The following RAPGEF2 variants were observed in gnomAD, a reference collection of about 807,000 sequenced individuals.
The protein encoded by RAPGEF2 is PDZ domain containing guanine nucleotide exchange factor (GEF) 1.
Under a neutral mutation model 186.7 loss-of-function variants are expected in RAPGEF2, and 54 were observed. That is an observed-to-expected ratio of 0.29 (90% CI 0.23 to 0.36). The LOEUF is 0.36. RAPGEF2 is among the 10% of genes least tolerant of loss of function. The probability of loss-of-function intolerance (pLI) is 1.00; values close to 1 mark genes in which losing one functional copy is unlikely to be tolerated. For missense variants in RAPGEF2, 1,532 were observed against 2,045.0 expected (o/e 0.75, Z 4.84); for synonymous variants, 712 against 705.9 (o/e 1.01, Z -0.14).
chr4:159,332,602 C>G lies in RAPGEF2; in HGVS notation c.2040C>G (p.Asn680Lys), dbSNP rs540985465. Residue 680 changes from asparagine to lysine, a missense_variant, in exon 17 of 30, where the codon AAC (asparagine) becomes AAG (lysine). By Grantham distance (94) the Asn-to-Lys change is moderately conservative. Around this residue, in one of 4 missense-constraint regions of RAPGEF2, gnomAD observed 810 missense variants for 1,210.5 expected, o/e 0.67. Coordinates refer to ENST00000691494, the MANE Select transcript of RAPGEF2 (RefSeq NM_001394067.2). Reference sequence around the variant, plus strand: ...AGGTGATAGGACTTGAAAAAGTGAACAAAAAAAGTAAAGCCAACACTGTGG... The same window carrying G: ...AGGTGATAGGACTTGAAAAAGTGAAGAAAAAAAGTAAAGCCAACACTGTGG... ...VEQVIGLEKV[N>K]KKSKANTVGG... The G allele has an allele frequency of 6.2e-7, 1 of 1,613,862 alleles. No homozygotes were observed. Among genetic ancestry groups the G allele is most frequent in the Non-Finnish European group, 8.5e-7 (1 of 1,179,934 alleles).
At chr4:159,329,727 C>A in intron 11 of RAPGEF2, 131 bp from the exon 12 acceptor site, 1 of 653,572 alleles carries the variant, frequency 1.5e-6, no homozygotes, top group Non-Finnish European at 2.4e-6. Flanking sequence ...TTCATTACAG[C>A]ATTAATTTAG....
rs1730097002 is a variant in RAPGEF2, at chr4:159,345,101, TC to T, written c.3279-3del. 2 of 1,611,822 alleles carry T rather than the reference TC, an allele frequency of 1.2e-6. No homozygotes were observed. Among genetic ancestry groups the T allele is most frequent in the African/African-American group, 1.3e-5 (1 of 74,992 alleles). On this transcript the variant is annotated splice_region_variant and splice_polypyrimidine_tract_variant and intron_variant, in intron 23 of 29. Transcript: ENST00000691494. ...GAGCTGCATATGTACCTTTTCATCTTCCAGGTCTCTCAGCCAGGGTAGTACA... is the reference window on the plus strand; with the variant it reads ...GAGCTGCATATGTACCTTTTCATCTTCAGGTCTCTCAGCCAGGGTAGTACA...
chr4:159,351,089 G>A (rs1395624977), intron 26 of RAPGEF2: 2 of 1,534,200 alleles, frequency 1.3e-6, no homozygotes, highest in East Asian at 2.4e-5. Context: ...AGATCTTTTG[G>A]CTCCGGGCAG....
At position 159,103,864 on chromosome 4, in the gene RAPGEF2, G is replaced by A. The variant is rs1357592005; in HGVS notation, c.-299G>A. 6.7e-6 allele frequency: 1 copy of A among 148,372 alleles called. No homozygotes were observed. The highest frequency in any genetic ancestry group is 1.5e-5 in the Non-Finnish European group (1 of 68,134). The allele number at this position is 148,372 out of a possible 1,614,324, so 9.2% of individuals were successfully genotyped here. On this transcript the variant is annotated 5_prime_UTR_variant, in exon 1 of 30. Coordinates refer to ENST00000691494, the MANE Select transcript of RAPGEF2 (RefSeq NM_001394067.2). ...GGCCGGAGGAAGCCGGCGGAGCGGC[G>A]AGGAAGAGGAGGAGGAGGAGGAAGG...
intron 9 of RAPGEF2, among the ~76,000 whole-genome samples, chr4:159,317,568 G>A (rs1183161090): frequency 2.0e-5 from 3 of 152,034 alleles, no homozygotes; most frequent in Non-Finnish European, 2.9e-5. Flanking sequence ...TTCTGATATC[G>A]CGTGTTGATC....
At chr4:159,203,433 C>T (rs1296209847) in intron 3 of RAPGEF2, among the ~76,000 whole-genome samples, 9 of 152,096 alleles carry the variant, frequency 5.9e-5, no homozygotes, top group African/African-American at 1.7e-4. Context: ...ATAATTATGA[C>T]GTTCTGGCAC....
At chr4:159,303,282 C>T (rs1762888470) in intron 7 of RAPGEF2, among the ~76,000 whole-genome samples, 1 of 152,040 alleles carries the variant, frequency 6.6e-6, no homozygotes, top group Admixed American at 6.6e-5. Context: ...GGGAATGAGC[C>T]TCAAAAGGTG....
chr4:159,287,650 A>C (rs1760682815), intron 7 of RAPGEF2, among the ~76,000 whole-genome samples: 1 of 152,186 alleles, frequency 6.6e-6, no homozygotes, highest in African/African-American at 2.4e-5. Context: ...ATGCATAATA[A>C]ATTGTTAATA....
chr4:159,267,658 C>T, intron 7 of RAPGEF2: 1 of 718,546 alleles, frequency 1.4e-6, no homozygotes, highest in Non-Finnish European at 1.8e-6. Flanking sequence ...TGTGTGATTG[C>T]AGATGAAACA....
intron 19 of RAPGEF2, 87 bp from the exon 20 acceptor site, chr4:159,341,477 T>G: frequency 7.2e-7 from 1 of 1,379,422 alleles, no homozygotes. Flanking sequence ...CTCTCAAACT[T>G]TCCATAAAAA....
intron 7 of RAPGEF2, among the ~76,000 whole-genome samples, chr4:159,246,112 A>G (rs1272330738): frequency 1.3e-5 from 2 of 152,186 alleles, no homozygotes; most frequent in Non-Finnish European, 2.9e-5. Context: ...TTGGTCGTGT[A>G]AAAGGATATC....
intron 11 of RAPGEF2, 158 bp from the exon 12 acceptor site, chr4:159,329,700 G>A (rs915250187): frequency 2.2e-6 from 1 of 460,122 alleles, no homozygotes; most frequent in Non-Finnish European, 3.7e-6. Context: ...ATTAAAAGTA[G>A]AGAAGTCTGA....
At chr4:159,267,176 G>T in intron 7 of RAPGEF2, 1 of 1,286,506 alleles carries the variant, frequency 7.8e-7, no homozygotes, top group Non-Finnish European at 1.0e-6. Context: ...ACAGTGTCTT[G>T]CTTTCTGCAG....
At position 159,263,968 on chromosome 4, in the gene RAPGEF2, C is replaced by A. The variant is rs1028749508; in HGVS notation, c.543+20177C>A. Among the ~76,000 whole-genome samples the A allele has an allele frequency of 2.6e-5, 4 of 152,120 alleles. No homozygotes were observed. In the East Asian group the frequency reaches 7.7e-4, roughly 29 times the overall value. ...GATGTTATTGACAGGGTAGAAAGTT[C>A]TTACATGGTTCTTTTTCTTAACAAG... On this transcript the variant is annotated intron_variant, in intron 7 of 29. Coordinates refer to ENST00000691494, the MANE Select transcript of RAPGEF2 (RefSeq NM_001394067.2).
chr4:159,355,032 T>C (rs956909064), intron 28 of RAPGEF2, among the ~76,000 whole-genome samples: 2 of 152,236 alleles, frequency 1.3e-5, no homozygotes, highest in African/African-American at 2.4e-5. Context: ...AATATCCTTT[T>C]ACAATGAATA....
intron 1 of RAPGEF2, among the ~76,000 whole-genome samples, chr4:159,109,256 T>G (rs1165984418): frequency 6.6e-6 from 1 of 152,122 alleles, no homozygotes; most frequent in Non-Finnish European, 1.5e-5. Context: ...TTTGGGAGGC[T>G]GAGGTGGGAG....
chr4:159,143,424 C>T (rs1265418050), intron 1 of RAPGEF2, among the ~76,000 whole-genome samples: 1 of 152,044 alleles, frequency 6.6e-6, no homozygotes, highest in Non-Finnish European at 1.5e-5. Context: ...AAGTGAGAAG[C>T]ACATAAAAAT....
chr4:159,273,652 TTCTTTCTTTC>T (rs1340754056), intron 7 of RAPGEF2, among the ~76,000 whole-genome samples: 15 of 142,868 alleles, frequency 1.0e-4, no homozygotes, highest in African/African-American at 3.4e-4. Flanking sequence ...CTTTCTTTCT[TTCTTTCTTTC>T]TTTCTTTCTT....
chr4:159,204,403 C>T (rs1749753936), intron 3 of RAPGEF2, among the ~76,000 whole-genome samples: 1 of 152,082 alleles, frequency 6.6e-6, no homozygotes, highest in Admixed American at 6.6e-5. Flanking sequence ...CTGTCAGGAG[C>T]AGCAGGTTAT....
Sources: gnomAD v4.1 joint callset for allele counts (sites outside exome capture counted in the v4.1 genomes callset) on GRCh38, gnomAD v4.1.1 for gene constraint, gnomAD v4.1.1 regional missense constraint, MANE v1.5 for transcripts, NCBI Gene and HGNC (gene_info 2026-07-23, HGNC 2026-07-21) for gene names.